The following RIC1 variants were observed in gnomAD, a reference collection of about 807,000 sequenced individuals.
RIC1 encodes guanine nucleotide exchange factor subunit RIC1.
RIC1 carries 88 observed loss-of-function variants against 169.0 expected under a neutral mutation model. The ratio of observed to expected loss-of-function variants is 0.52; its 90% CI spans 0.44 to 0.62. The LOEUF (loss-of-function observed/expected upper bound fraction) is 0.62. Ranked by LOEUF, RIC1 falls within the 20% of genes least tolerant of loss-of-function variation. The probability of loss-of-function intolerance (pLI) is 0.00; values close to 1 mark genes in which losing one functional copy is unlikely to be tolerated. For missense variants in RIC1, 1,877 were observed against 1,725.5 expected, an observed-to-expected ratio of 1.09 and a Z score of -1.56; for synonymous variants, 790 against 601.5, an observed-to-expected ratio of 1.31 and a Z score of -4.59.
chr9:5,723,127 G>A (rs879822984), intron 6 of RIC1, among the ~76,000 whole-genome samples: 22 of 152,188 alleles, frequency 1.4e-4, no homozygotes, highest in Non-Finnish European at 2.1e-4. Flanking sequence ...TTGAAGAATC[G>A]CCACACTGTC....
intron 2 of RIC1, among the ~76,000 whole-genome samples, chr9:5,689,144 G>T (rs1177603189): frequency 2.7e-5 from 4 of 149,676 alleles, no homozygotes; most frequent in Non-Finnish European, 5.9e-5. Context: ...CGCCTTCTGG[G>T]TTCACGCCAT....
At chr9:5,662,604 A>G (rs1358948075) in intron 2 of RIC1, among the ~76,000 whole-genome samples, 1 of 152,014 alleles carries the variant, frequency 6.6e-6, no homozygotes, top group African/African-American at 2.4e-5. Flanking sequence ...CATTTCTTCT[A>G]GATTTTCTAT....
At chr9:5,648,790 T>G (rs919025583) in intron 1 of RIC1, among the ~76,000 whole-genome samples, 6 of 152,232 alleles carry the variant, frequency 3.9e-5, no homozygotes, top group Admixed American at 2.6e-4. Context: ...GATGTACCTG[T>G]TGGCCATCCA....
At chr9:5,689,400 C>T (rs1428389070) in intron 2 of RIC1, among the ~76,000 whole-genome samples, 1 of 152,102 alleles carries the variant, frequency 6.6e-6, no homozygotes, top group Non-Finnish European at 1.5e-5. Context: ...AATGAACTAG[C>T]TGATACTCAA....
At chr9:5,668,240 C>A (rs1445794595) in intron 2 of RIC1, among the ~76,000 whole-genome samples, 1 of 132,478 alleles carries the variant, frequency 7.5e-6, no homozygotes, top group Non-Finnish European at 1.7e-5. Flanking sequence ...TCCCATGACA[C>A]AGGGGATTAT....
chr9:5,687,134 A>C (rs928011486), intron 2 of RIC1, among the ~76,000 whole-genome samples: 2 of 152,162 alleles, frequency 1.3e-5, no homozygotes, highest in African/African-American at 4.8e-5. Flanking sequence ...TGTCATATTA[A>C]TAATGTGACC....
intron 2 of RIC1, among the ~76,000 whole-genome samples, chr9:5,660,422 T>C (rs7045399): frequency 0.3 from 45,731 of 152,090 alleles, 7,983 homozygotes; most frequent in East Asian, 0.59. Flanking sequence ...CTTTGAGGAA[T>C]TGCCTACTGT....
At position 5,709,706 on chromosome 9, in the gene RIC1, GAATTCTAAGT is replaced by G. The variant is rs1822820292; in HGVS notation, c.333-4186_333-4177del. Among the ~76,000 whole-genome samples, 3 of 152,080 alleles carry G rather than the reference GAATTCTAAGT, an allele frequency of 2.0e-5. No individual in the cohort carries two copies. The Middle Eastern group carries it at 0.01, about 517-fold the overall frequency. On this transcript the variant is annotated intron_variant, in intron 3 of 25. Transcript: ENST00000414202. ...TGCTGTACCTTATCAAATTATAGTT[GAATTCTAAGT>G]AATAATATTTTTTATGAGAAAGTCA...
At chr9:5,631,421 G>C (rs182456633) in intron 1 of RIC1, among the ~76,000 whole-genome samples, 1 of 152,182 alleles carries the variant, frequency 6.6e-6, no homozygotes, top group African/African-American at 2.4e-5. Flanking sequence ...GGTTAACCTT[G>C]GTCTCTGGGC....
chr9:5,760,921 T>C (rs1008845834), intron 17 of RIC1, among the ~76,000 whole-genome samples: 2 of 151,926 alleles, frequency 1.3e-5, no homozygotes, highest in African/African-American at 2.4e-5. Flanking sequence ...ATCCCACAAG[T>C]TTTGAATACT....
At chr9:5,748,696 G>C (rs551455854) in intron 12 of RIC1, 1 of 152,702 alleles carries the variant, frequency 6.5e-6, no homozygotes, top group Non-Finnish European at 1.5e-5. Context: ...GAGCCAAGTA[G>C]AGCAGAGGAT....
In RIC1 at chr9:5,756,326, G is replaced by A. The variant is rs145216888; in HGVS notation, c.1807G>A (p.Ala603Thr). 218 of 1,581,650 alleles carry A rather than the reference G, an allele frequency of 1.4e-4. No homozygotes were observed. In the East Asian group the frequency reaches 2.0e-3, roughly 15 times the overall value. The change falls in exon 16 of 26, where the codon GCA becomes ACA. Residue 603 changes from alanine to threonine, a missense_variant. By Grantham distance (58) the Ala-to-Thr change is moderately conservative (BLOSUM62 0). Transcript: ENST00000414202. The stretch of plus-strand genomic sequence containing the variant: ...CCAGGACATGGTAATAGTATTTAGA[G>A]CAGACTGTTCAATATGCCTTTACAG... ...VFQDMVIVFRADCSICLYSIE... is the reference protein window; with the variant it reads ...VFQDMVIVFRTDCSICLYSIE...
chr9:5,767,753 C>G (rs1463589857), intron 21 of RIC1, among the ~76,000 whole-genome samples: 1 of 151,802 alleles, frequency 6.6e-6, no homozygotes, highest in East Asian at 1.9e-4. Flanking sequence ...ACGCCTGGCT[C>G]ATTTTGTATT....
rs1826411828 is a variant in RIC1 at position 5,762,547 on chromosome 9, G to A, written c.1999G>A (p.Gly667Ser). The A allele has an allele frequency of 1.2e-6, 2 of 1,613,462 alleles. No individual in the cohort carries two copies. Among genetic ancestry groups the A allele is most frequent in the South Asian group, 1.1e-5 (1 of 90,920 alleles). Reference protein sequence around the residue: ...ITLKMPQQARGAESIMLNLAG... With the variant: ...ITLKMPQQARSAESIMLNLAG... ...GCTTTTTCTTAAATTTCAGGCTCGTGGTGCAGAGAGCATTATGTTAAACCT... is the reference window on the plus strand; with the variant it reads ...GCTTTTTCTTAAATTTCAGGCTCGTAGTGCAGAGAGCATTATGTTAAACCT... Residue 667 changes from glycine to serine, a missense_variant, in exon 18 of 26, where the codon GGT becomes AGT. Transcript: ENST00000414202.
Position 5,749,567 on chromosome 9 carries a change from A to T in RIC1, c.1452+2062A>T, listed in dbSNP as rs759806594. On this transcript the variant is annotated intron_variant, in intron 12 of 25. Coordinates refer to ENST00000414202, the MANE Select transcript of RIC1 (RefSeq NM_020829.4). ...TATGCTTCTTGTATAGCTTAGATGA[A>T]CTCCAACTAATTCTGCTGCTTGTTC... 2.2e-4 allele frequency among the ~76,000 whole-genome samples: 33 copies of T among 151,770 alleles called. No homozygotes were observed. In the South Asian group the frequency reaches 2.3e-3, roughly 11 times the overall value.
chr9:5,710,259 G>T (rs891751653), intron 3 of RIC1, among the ~76,000 whole-genome samples: 14 of 152,272 alleles, frequency 9.2e-5, no homozygotes, highest in African/African-American at 3.4e-4. Context: ...TGAAAACACT[G>T]AATAAGGATT....
At chr9:5,725,715 T>C (rs1284106930) in intron 6 of RIC1, among the ~76,000 whole-genome samples, 4 of 152,214 alleles carry the variant, frequency 2.6e-5, no homozygotes, top group Non-Finnish European at 4.4e-5. Flanking sequence ...AATTTCCCTC[T>C]ACACACTGCT....
At chr9:5,679,448 G>T (rs185656450) in intron 2 of RIC1, among the ~76,000 whole-genome samples, 3 of 152,142 alleles carry the variant, frequency 2.0e-5, no homozygotes, top group Admixed American at 6.5e-5. Flanking sequence ...CTATTTTCAC[G>T]ATATTGATTC....
At position 5,745,917 on chromosome 9, in the gene RIC1, C is replaced by T. The variant is rs776428897; in HGVS notation, c.1096-14C>T. Reference sequence around the variant, plus strand: ...ATTGCTCTGACTTTTTTTCTCCCTCCTCTTCTCTCTAAGAGCTGGGGTGCA... The same window carrying T: ...ATTGCTCTGACTTTTTTTCTCCCTCTTCTTCTCTCTAAGAGCTGGGGTGCA... On this transcript the variant is annotated splice_polypyrimidine_tract_variant and intron_variant, in intron 10 of 25. Coordinates refer to ENST00000414202, the MANE Select transcript of RIC1 (RefSeq NM_020829.4). 4 of 1,604,916 alleles carry T rather than the reference C, an allele frequency of 2.5e-6. No homozygotes were observed. The African/African-American group carries it at 5.4e-5, about 21-fold the overall frequency.
Sources: allele counts gnomAD v4.1 joint callset (sites outside exome capture counted in the v4.1 genomes callset), GRCh38; gene constraint gnomAD v4.1.1; transcripts MANE v1.5; gene names NCBI Gene and HGNC (gene_info 2026-07-23, HGNC 2026-07-21).